The following ZNF532 variants were observed in gnomAD, a reference collection of about 807,000 sequenced individuals.
ZNF532 encodes zinc finger protein 532.
A neutral mutation model predicts 89.3 loss-of-function variants in ZNF532; 22 were observed. The observed-to-expected ratio is 0.25, with a 90% CI of 0.18 to 0.35. The LOEUF (loss-of-function observed/expected upper bound fraction) is 0.35. Among genes scored for constraint, ZNF532 ranks in the 10% least tolerant of loss-of-function variants. The pLI, the probability that ZNF532 is intolerant of heterozygous loss-of-function variation, is 1.00. For synonymous variants in ZNF532, 606 were observed against 649.6 expected, an observed-to-expected ratio of 0.93 and a Z score of 1.02; for missense variants, 1,132 against 1,643.4, an observed-to-expected ratio of 0.69 and a Z score of 5.38.
chr18:58,981,197 C>G (rs899907548), intron 8 of ZNF532: 27 of 420,200 alleles, frequency 6.4e-5, no homozygotes, highest in Middle Eastern at 7.0e-4. Context: ...CTAATGTGTT[C>G]AGCATGGTGC....
rs2056327695 is a variant in ZNF532, at chr18:58,865,055, G to A, written c.-458G>A. On this transcript the variant is annotated 5_prime_UTR_variant, in exon 1 of 10. Coordinates refer to ENST00000591808, the MANE Select transcript of ZNF532 (RefSeq NM_001375912.1). ...TGGAAAAAAAGGTGCAGGTTTGCAG[G>A]GTCTGAGATTACTTGGGCTTTTCCT... The A allele has an allele frequency of 2.6e-5, 4 of 152,302 alleles. No individual in the cohort carries two copies. The highest frequency in any genetic ancestry group is 9.6e-5 in the African/African-American group (4 of 41,550). 9.4% of individuals were successfully genotyped at this position (152,302 alleles called of 1,614,324 possible). A position where few individuals can be genotyped will look rare whatever the true frequency, so the allele number is the denominator to read the frequency against.
chr18:58,907,519 AGTTTC>A (rs2060008657), intron 2 of ZNF532, among the ~76,000 whole-genome samples: 1 of 149,110 alleles, frequency 6.7e-6, no homozygotes, highest in Admixed American at 6.7e-5. Context: ...TTTGAGATGG[AGTTTC>A]ACTCTTGTTG....
intron 5 of ZNF532, chr18:58,940,284 A>G (rs958235508): frequency 7.9e-5 from 12 of 152,190 alleles, no homozygotes; most frequent in Admixed American, 6.5e-5. Flanking sequence ...TTTATAGGGT[A>G]CACTTTTGCT....
rs1603284928 is a variant in ZNF532 at position 58,953,678 on chromosome 18, C to T, written c.3029C>T (p.Pro1010Leu). The T allele has an allele frequency of 6.8e-6, 11 of 1,613,888 alleles. No individual in the cohort carries two copies. Among genetic ancestry groups the T allele is most frequent in the Non-Finnish European group, 9.3e-6 (11 of 1,179,902 alleles). ...KEKLEKKSPSPVKKSMETKKV... is the reference protein window; with the variant it reads ...KEKLEKKSPSLVKKSMETKKV... Reference sequence around the variant, plus strand: ...AAATTGGAAAAGAAATCTCCATCTCCTGTGAAAAAATCAATGGAAACCAAG... The same window carrying T: ...AAATTGGAAAAGAAATCTCCATCTCTTGTGAAAAAATCAATGGAAACCAAG... Residue 1010 changes from proline to leucine, a missense_variant, in exon 7 of 10, where the codon CCT becomes CTT. Around this residue, in one of 9 missense-constraint regions of ZNF532, gnomAD observed 415 missense variants for 604.8 expected, o/e 0.69. Transcript: ENST00000591808.
At chr18:58,974,043 A>G (rs537946162) in intron 7 of ZNF532, among the ~76,000 whole-genome samples, 3 of 152,314 alleles carry the variant, frequency 2.0e-5, no homozygotes, top group South Asian at 4.1e-4. Flanking sequence ...CAACTGTTCT[A>G]TGTCTTGACT....
rs1237214311 is a variant in ZNF532 at position 58,918,944 on chromosome 18, A to G, written c.657A>G (p.Lys219=). The change falls in exon 3 of 10, where the codon AAA becomes AAG. Residue 219 remains lysine, a synonymous_variant. Coordinates refer to ENST00000591808, the MANE Select transcript of ZNF532 (RefSeq NM_001375912.1). Reference sequence around the variant, plus strand: ...ACCTGAGTGTTTATGAACCTTTTAAAGTCAGAAAAGCAGAGGATAAATTGA... The same window carrying G: ...ACCTGAGTGTTTATGAACCTTTTAAGGTCAGAAAAGCAGAGGATAAATTGA... ...SINLSVYEPF[K]VRKAEDKLKE... The G allele has an allele frequency of 3.1e-6, 5 of 1,613,802 alleles. No individual in the cohort carries two copies. The highest frequency in any genetic ancestry group is 3.3e-5 in the Admixed American group (2 of 60,004).
At chr18:58,889,445 A>C (rs1023746614) in intron 2 of ZNF532, among the ~76,000 whole-genome samples, 1 of 152,232 alleles carries the variant, frequency 6.6e-6, no homozygotes, top group Non-Finnish European at 1.5e-5. Context: ...CAGCACTTAT[A>C]TTAACTTGTA....
rs754911714 is a variant in ZNF532, at chr18:58,918,728, T to C, written c.441T>C (p.Asp147=). 1.9e-6 allele frequency: 3 copies of C among 1,614,158 alleles called. No homozygotes were observed. The South Asian group carries it at 3.3e-5, about 18-fold the overall frequency. The change falls in exon 3 of 10, where the codon GAT becomes GAC. Residue 147 remains aspartate (D), a synonymous_variant. Coordinates refer to ENST00000591808, the MANE Select transcript of ZNF532 (RefSeq NM_001375912.1). The part of the protein sequence containing the change: ...EFDDDEKIEV[D]DPPDKEDMRS... ...ATGACGACGAGAAGATTGAGGTGGA[T>C]GACCCCCCTGACAAGGAGGACATGC...
At chr18:58,983,545 A>G (rs1378732736) in intron 9 of ZNF532, among the ~76,000 whole-genome samples, 2 of 151,844 alleles carry the variant, frequency 1.3e-5, no homozygotes, top group East Asian at 3.9e-4. Flanking sequence ...TTCAAATGTC[A>G]CCTGTCACCA....
chr18:58,960,286 G>A (rs183216475), intron 7 of ZNF532, among the ~76,000 whole-genome samples: 1 of 152,322 alleles, frequency 6.6e-6, no homozygotes, highest in East Asian at 1.9e-4. Context: ...CTGAGCTCAA[G>A]TGATCGTCTC....
At position 58,918,566 on chromosome 18, in the gene ZNF532, T is replaced by C; in HGVS notation, c.279T>C (p.Phe93=). The change falls in exon 3 of 10, where the codon TTT becomes TTC. Residue 93 remains phenylalanine (F), a synonymous_variant. Transcript: ENST00000591808. ...NPTGNGLHNG[F]LTASSLDSYS... ...CTGGCAATGGCTTACATAATGGGTT[T>C]CTCACAGCATCCTCCCTTGACAGTT... is the stretch of plus-strand genomic sequence containing the variant. The C allele has an allele frequency of 6.2e-7, 1 of 1,614,194 alleles. No homozygotes were observed. Among genetic ancestry groups the C allele is most frequent in the Non-Finnish European group, 8.5e-7 (1 of 1,180,038 alleles).
intron 7 of ZNF532, among the ~76,000 whole-genome samples, chr18:58,958,558 C>T (rs755580790): frequency 6.6e-6 from 1 of 152,176 alleles, no homozygotes; most frequent in African/African-American, 2.4e-5. Context: ...GTTGTATGTC[C>T]ATTTTATTAT....
intron 5 of ZNF532, 166 bp downstream of exon 5, chr18:58,939,787 CT>C (rs1433327895): frequency 1.9e-6 from 1 of 531,276 alleles, no homozygotes; most frequent in Non-Finnish European, 3.1e-6. Flanking sequence ...CCAAATCTTT[CT>C]GTTCTTTCCA....
At chr18:58,929,689 A>G (rs2061792771) in intron 3 of ZNF532, among the ~76,000 whole-genome samples, 1 of 152,140 alleles carries the variant, frequency 6.6e-6, no homozygotes, top group African/African-American at 2.4e-5. Context: ...TTAACTGTCA[A>G]CTCTTATTAG....
chr18:58,909,695 G>A (rs967031836), intron 2 of ZNF532, among the ~76,000 whole-genome samples: 22 of 152,120 alleles, frequency 1.4e-4, no homozygotes, highest in African/African-American at 5.3e-4. Flanking sequence ...AGGCACGCGG[G>A]AACACGGATT....
At chr18:58,929,346 A>G (rs1163394268) in intron 3 of ZNF532, among the ~76,000 whole-genome samples, 1 of 152,156 alleles carries the variant, frequency 6.6e-6, no homozygotes, top group African/African-American at 2.4e-5. Flanking sequence ...GGCATCGTTA[A>G]TACAACATAC....
chr18:58,876,764 C>CA (rs2057463382), intron 2 of ZNF532, among the ~76,000 whole-genome samples: 1 of 152,186 alleles, frequency 6.6e-6, no homozygotes, highest in Non-Finnish European at 1.5e-5. Flanking sequence ...TCAGCACAGA[C>CA]AAGTGACTTT....
In ZNF532 at chr18:58,920,418, G is replaced by A; in HGVS notation, c.2131G>A (p.Ala711Thr). 1.9e-6 allele frequency: 3 copies of A among 1,613,908 alleles called. No individual in the cohort carries two copies. The highest frequency in any genetic ancestry group is 2.5e-6 in the Non-Finnish European group (3 of 1,179,866). ...STSTLQSPVG[A>T]GTHTVTKIQS... ...TTCCACTCTTCAGAGCCCTGTGGGA[G>A]CTGGCACACACACTGTCACAAAAAT... is the stretch of plus-strand genomic sequence containing the variant. The change falls in exon 3 of 10, where the codon GCT (alanine) becomes ACT (threonine). Residue 711 changes from alanine (A) to threonine (T), a missense_variant. Physicochemically the swap from Ala to Thr is moderately conservative, Grantham distance 58. Coordinates refer to ENST00000591808, the MANE Select transcript of ZNF532 (RefSeq NM_001375912.1).
rs374214207 is a variant in ZNF532 at position 58,939,365 on chromosome 18, G to A, written c.2529-80G>A. ...AAAAACCTAAAAGGGCTATGAAAGT[G>A]TGTTCATCTCACCCAGTTTTTGCAG... On this transcript the variant is annotated intron_variant, in intron 4 of 9. Coordinates refer to ENST00000591808, the MANE Select transcript of ZNF532 (RefSeq NM_001375912.1). The A allele has an allele frequency of 6.4e-5, 77 of 1,210,290 alleles. No homozygotes were observed. The East Asian group carries it at 1.1e-3, about 17-fold the overall frequency. The allele number at this position is 1,210,290 out of a possible 1,614,324, so 75.0% of individuals were successfully genotyped here.
Sources: allele counts gnomAD v4.1 joint callset (sites outside exome capture counted in the v4.1 genomes callset), GRCh38; gene constraint gnomAD v4.1.1; regional missense constraint gnomAD v4.1.1; transcripts MANE v1.5; gene names NCBI Gene and HGNC (gene_info 2026-07-23, HGNC 2026-07-21).